SOS1: variants seen among roughly 807,000 people sequenced by gnomAD.
SOS1 encodes the protein SOS Ras/Rac guanine nucleotide exchange factor 1.
SOS1 carries 25 observed loss-of-function variants against 157.6 expected under a neutral mutation model. The observed-to-expected ratio is 0.16, with a 90% CI of 0.12 to 0.22. The LOEUF (loss-of-function observed/expected upper bound fraction) is 0.22, where lower values mean the gene tolerates loss of function less well. Ranked by LOEUF, SOS1 falls within the 10% of genes least tolerant of loss-of-function variation. The pLI, the probability that SOS1 is intolerant of heterozygous loss-of-function variation, is 1.00. For missense variants in SOS1, 1,237 were observed against 1,599.1 expected (o/e 0.77, Z 3.86); for synonymous variants, 528 against 534.0 (o/e 0.99, Z 0.16).
At chr2:39,067,816 CTT>C in intron 1 of SOS1, 63 bp from the exon 2 acceptor site, 1 of 1,497,990 alleles carries the variant, frequency 6.7e-7, no homozygotes, top group Non-Finnish European at 9.3e-7. Context: ...ATTTTTAAAA[CTT>C]TAAAAAATGT....
At chr2:39,107,542 C>T (rs1673244612) in intron 1 of SOS1, among the ~76,000 whole-genome samples, 1 of 151,902 alleles carries the variant, frequency 6.6e-6, no homozygotes, top group African/African-American at 2.4e-5. Context: ...TCCTTTTCCC[C>T]CCTCACAAGC....
chr2:39,115,319 T>C (rs941182758), intron 1 of SOS1, among the ~76,000 whole-genome samples: 2 of 152,060 alleles, frequency 1.3e-5, no homozygotes, highest in South Asian at 2.1e-4. Context: ...ATATAGTATA[T>C]ACTCTTTTTT....
intron 6 of SOS1, among the ~76,000 whole-genome samples, chr2:39,046,648 G>A (rs1485315035): frequency 3.3e-5 from 5 of 152,026 alleles, no homozygotes; most frequent in Non-Finnish European, 7.4e-5. Flanking sequence ...GGGACTACAG[G>A]TGCGCACCAC....
intron 1 of SOS1, among the ~76,000 whole-genome samples, chr2:39,079,554 G>C (rs1180644183): frequency 7.1e-6 from 1 of 140,024 alleles, no homozygotes; most frequent in African/African-American, 2.8e-5. Context: ...GAGTGTAGTA[G>C]TGTGATCTCG....
Position 39,052,743 on chromosome 2 carries a change from C to T in SOS1, c.721-1456G>A, listed in dbSNP as rs573826489. Among the ~76,000 whole-genome samples the T allele has an allele frequency of 7.2e-5, 11 of 152,232 alleles. No homozygotes were observed. In the South Asian group the frequency reaches 2.3e-3, roughly 32 times the overall value. On this transcript the variant is annotated intron_variant, in intron 5 of 22. Coordinates refer to ENST00000402219, the MANE Select transcript of SOS1 (RefSeq NM_005633.4). Reference sequence around the variant, plus strand: ...AGTTTGGGGCTATTACAAATAAAGCCGCTATGAACATTCATGAACCAGTTT... The same window carrying T: ...AGTTTGGGGCTATTACAAATAAAGCTGCTATGAACATTCATGAACCAGTTT...
At position 39,022,737 on chromosome 2, in the gene SOS1, T is replaced by C. The variant is rs571743548; in HGVS notation, c.1691A>G (p.Glu564Gly). 5.0e-6 allele frequency: 8 copies of C among 1,613,826 alleles called. No individual in the cohort carries two copies. The highest frequency in any genetic ancestry group is 1.3e-5 in the African/African-American group (1 of 75,054). The change falls in exon 10 of 23, where the codon GAG (glutamate) becomes GGG (glycine). Residue 564 changes from glutamate to glycine, a missense_variant. Coordinates refer to ENST00000402219, the MANE Select transcript of SOS1 (RefSeq NM_005633.4). Reference protein sequence around the residue: ...LDVTMLQEEKEEQMRLPSADV... With the variant: ...LDVTMLQEEKGEQMRLPSADV... ...AGCACTAGGCAGCCTCATCTGCTCC[T>C]CTTTCTCTTCCTGTAGCATTGTTAC...
At chr2:39,045,342 CTTT>C (rs763053199) in intron 6 of SOS1, among the ~76,000 whole-genome samples, 2 of 149,624 alleles carry the variant, frequency 1.3e-5, no homozygotes, top group African/African-American at 4.9e-5. Flanking sequence ...GTGGCCTAAT[CTTT>C]TTTGTTTGAT....
rs1210493528 is a variant in SOS1, at chr2:38,983,538, C to A, written c.*2286G>T. ...ATTAGAACTCCAAATCTGAATTTTT[C>A]CTCTTTATAGACTAGATAGGTTGAA... On this transcript the variant is annotated 3_prime_UTR_variant, in exon 23 of 23. Transcript: ENST00000402219. The A allele has an allele frequency of 6.6e-6, 1 of 150,572 alleles. No individual in the cohort carries two copies. Among genetic ancestry groups the A allele is most frequent in the East Asian group, 2.0e-4 (1 of 5,064 alleles). 9.3% of individuals were successfully genotyped at this position (150,572 alleles called of 1,614,324 possible).
At chr2:38,998,246 T>A (rs1460291008) in intron 17 of SOS1, among the ~76,000 whole-genome samples, 4 of 151,650 alleles carry the variant, frequency 2.6e-5, no homozygotes, top group Non-Finnish European at 5.9e-5. Flanking sequence ...TTTTTTTTTA[T>A]ATTTTATATT....
chr2:38,997,068 A>G, intron 18 of SOS1, 30 bp from the exon 19 acceptor site: 1 of 1,190,748 alleles, frequency 8.4e-7, no homozygotes, highest in East Asian at 2.5e-5. Context: ...AAAATTATTA[A>G]TATTCAAAAT....
chr2:38,997,910 T>C (rs758496663), intron 17 of SOS1, among the ~76,000 whole-genome samples: 2 of 152,176 alleles, frequency 1.3e-5, no homozygotes, highest in Non-Finnish European at 2.9e-5. Context: ...CAGAGGATCA[T>C]AGTTTCTGCT....
intron 1 of SOS1, among the ~76,000 whole-genome samples, chr2:39,108,722 C>A (rs995916465): frequency 1.3e-5 from 2 of 151,920 alleles, no homozygotes; most frequent in Non-Finnish European, 2.9e-5. Flanking sequence ...GACCCTGTCT[C>A]TACAAAAAAA....
chr2:39,062,144 G>A (rs1021450477), intron 2 of SOS1, among the ~76,000 whole-genome samples: 2 of 151,982 alleles, frequency 1.3e-5, no homozygotes, highest in Non-Finnish European at 2.9e-5. Flanking sequence ...TTGGCTGGGC[G>A]TGGTGGCTCA....
At position 38,982,532 on chromosome 2, in the gene SOS1, C is replaced by T. The variant is rs576772091; in HGVS notation, c.*3292G>A. ...TGCAATACAACAGGACCTATACTTG[C>T]GTAGTCACACAATATATGTTAAAAG... is the stretch of plus-strand genomic sequence containing the variant. On this transcript the variant is annotated 3_prime_UTR_variant, in exon 23 of 23. Transcript: ENST00000402219. 3.3e-5 allele frequency: 5 copies of T among 152,106 alleles called. No homozygotes were observed. Among genetic ancestry groups the T allele is most frequent in the Non-Finnish European group, 7.4e-5 (5 of 68,016 alleles). The allele number at this position is 152,106 out of a possible 1,614,324, so 9.4% of individuals were successfully genotyped here. A position where few individuals can be genotyped will look rare whatever the true frequency, so the allele number is the denominator to read the frequency against.
At chr2:39,005,264 G>C (rs149769462) in intron 17 of SOS1, among the ~76,000 whole-genome samples, 124 of 152,222 alleles carry the variant, frequency 8.1e-4, no homozygotes, top group African/African-American at 2.5e-3. Context: ...TGAAACCGTG[G>C]AAAGTGAAAC....
At chr2:39,115,406 C>CTTT (rs550526461) in intron 1 of SOS1, among the ~76,000 whole-genome samples, 49 of 64,058 alleles carry the variant, frequency 7.6e-4, no homozygotes, top group African/African-American at 2.4e-3. Flanking sequence ...TGTTCTCTCT[C>CTTT]TTTTTTTTTT....
chr2:38,993,463 A>G (rs1205135569), intron 20 of SOS1: 1 of 152,192 alleles, frequency 6.6e-6, no homozygotes, highest in Non-Finnish European at 1.5e-5. Context: ...GCCCAGCCCA[A>G]ATATACTTTA....
At chr2:39,003,057 A>T (rs1487163714) in intron 17 of SOS1, among the ~76,000 whole-genome samples, 82 of 143,302 alleles carry the variant, frequency 5.7e-4, no homozygotes, top group Non-Finnish European at 9.5e-4. Context: ...ATAAAGTGAG[A>T]CCTTGTATCA....
chr2:39,054,684 C>A lies in SOS1; in HGVS notation c.650G>T (p.Arg217Met). ...AFMAEIRQYI[R>M]ELNLIIKVFR... ...AACTTTTATAATTAGATTTAGTTCC[C>A]TTATATATTGTCGAATTTCTGCCAT... Residue 217 changes from arginine to methionine, a missense_variant, in exon 5 of 23, where the codon AGG becomes ATG. Arg to Met is a moderately conservative substitution (Grantham distance 91, BLOSUM62 -1). Coordinates refer to ENST00000402219, the MANE Select transcript of SOS1 (RefSeq NM_005633.4). The A allele has an allele frequency of 6.2e-7, 1 of 1,600,696 alleles. No individual in the cohort carries two copies. The highest frequency in any genetic ancestry group is 8.6e-7 in the Non-Finnish European group (1 of 1,168,022).
Sources: allele counts gnomAD v4.1 joint callset (sites outside exome capture counted in the v4.1 genomes callset), GRCh38; gene constraint gnomAD v4.1.1; transcripts MANE v1.5; gene names NCBI Gene and HGNC (gene_info 2026-07-23, HGNC 2026-07-21).